PCDH9: variants seen among roughly 807,000 people sequenced by gnomAD.
PCDH9 encodes the protein protocadherin 9.
A neutral mutation model predicts 70.6 loss-of-function variants in PCDH9; 24 were observed. The ratio of observed to expected loss-of-function variants is 0.34; its 90% CI spans 0.25 to 0.48. The LOEUF (loss-of-function observed/expected upper bound fraction) is 0.48, where lower values mean the gene tolerates loss of function less well. Ranked by LOEUF, PCDH9 falls within the 20% of genes least tolerant of loss-of-function variation. The pLI is 0.99. For synonymous variants in PCDH9, 562 were observed against 558.5 expected, an observed-to-expected ratio of 1.01 and a Z score of -0.09; for missense variants, 1,281 against 1,503.6, an observed-to-expected ratio of 0.85 and a Z score of 2.45.
intron 4 of PCDH9, among the ~76,000 whole-genome samples, chr13:66,510,715 T>C (rs1482747683): frequency 6.6e-6 from 1 of 152,224 alleles, no homozygotes; most frequent in East Asian, 1.9e-4. Context: ...CTGCATAGTA[T>C]TCCATGGTGT....
chr13:67,091,030 T>C (rs1425046891), intron 2 of PCDH9, among the ~76,000 whole-genome samples: 1 of 152,126 alleles, frequency 6.6e-6, no homozygotes, highest in African/African-American at 2.4e-5. Flanking sequence ...ACTGTACTTT[T>C]CTTCCAAACT....
intron 3 of PCDH9, among the ~76,000 whole-genome samples, chr13:66,897,773 A>G (rs1297933089): frequency 2.6e-5 from 4 of 152,106 alleles, no homozygotes; most frequent in Non-Finnish European, 5.9e-5. Context: ...AAATATTTTA[A>G]TGATTTTTTT....
intron 2 of PCDH9, among the ~76,000 whole-genome samples, chr13:67,102,366 T>G (rs1464933293): frequency 6.6e-6 from 1 of 152,128 alleles, no homozygotes; most frequent in Non-Finnish European, 1.5e-5. Context: ...ACAGGCAAAC[T>G]ACACCTACAA....
chr13:66,677,837 T>C (rs541101200), intron 3 of PCDH9, among the ~76,000 whole-genome samples: 1 of 152,252 alleles, frequency 6.6e-6, no homozygotes, highest in South Asian at 2.1e-4. Context: ...TATTTCTTTA[T>C]AGCAATACAA....
chr13:67,224,895 A>T, intron 2 of PCDH9: 4 of 986,514 alleles, frequency 4.1e-6, no homozygotes, highest in Non-Finnish European at 4.8e-6. Context: ...TTCACAGCTG[A>T]TGTACATTTA....
intron 2 of PCDH9, among the ~76,000 whole-genome samples, chr13:67,089,563 TAG>T (rs1326433718): frequency 1.3e-5 from 2 of 152,016 alleles, no homozygotes; most frequent in East Asian, 3.9e-4. Context: ...TCAAGCAACA[TAG>T]AGTTTTGTGA....
chr13:66,658,294 T>G (rs2077959997), intron 3 of PCDH9, among the ~76,000 whole-genome samples: 1 of 152,212 alleles, frequency 6.6e-6, no homozygotes, highest in Non-Finnish European at 1.5e-5. Context: ...TTATATCTCT[T>G]TGAATTTCCC....
rs534223367 is a variant in PCDH9, at chr13:67,086,624, G to A, written c.3036+138781C>T. ...TAACAGAGTTAAGAAAGAAATAGCT[G>A]AGCTGATGCTACTGTTGTTCAAGAG... On this transcript the variant is annotated intron_variant, in intron 2 of 4. Transcript: ENST00000377865. 3.3e-5 allele frequency among the ~76,000 whole-genome samples: 5 copies of A among 152,282 alleles called. No individual in the cohort carries two copies. In the East Asian group the frequency reaches 5.8e-4, roughly 18 times the overall value.
intron 4 of PCDH9, among the ~76,000 whole-genome samples, chr13:66,348,004 C>T (rs946715670): frequency 1.4e-4 from 22 of 152,214 alleles, no homozygotes; most frequent in African/African-American, 4.6e-4. Context: ...GTCCTAATCA[C>T]CTCATTCTTG....
chr13:66,652,924 T>G (rs74845679), intron 3 of PCDH9, among the ~76,000 whole-genome samples: 4,733 of 152,176 alleles, frequency 0.031, 254 homozygotes, highest in African/African-American at 0.11. Flanking sequence ...AAAGATGCCA[T>G]GAAAACTGCA....
intron 3 of PCDH9, among the ~76,000 whole-genome samples, chr13:66,901,968 A>G (rs2082282911): frequency 6.6e-6 from 1 of 151,688 alleles, no homozygotes; most frequent in Non-Finnish European, 1.5e-5. Flanking sequence ...TGACTTGCAC[A>G]ACATCCTGGG....
chr13:66,962,829 G>C (rs1422837577), intron 2 of PCDH9, among the ~76,000 whole-genome samples: 1 of 152,030 alleles, frequency 6.6e-6, no homozygotes, highest in African/African-American at 2.4e-5. Flanking sequence ...ATTGGGGTTG[G>C]GGGCCAGGGG....
At chr13:66,768,215 T>C (rs1025380429) in intron 3 of PCDH9, among the ~76,000 whole-genome samples, 2 of 151,640 alleles carry the variant, frequency 1.3e-5, no homozygotes, top group African/African-American at 4.8e-5. Context: ...GTGTAGATGT[T>C]CCCCCTATGG....
intron 2 of PCDH9, among the ~76,000 whole-genome samples, chr13:67,118,810 T>A (rs2086825852): frequency 6.6e-6 from 1 of 152,154 alleles, no homozygotes; most frequent in East Asian, 1.9e-4. Flanking sequence ...AACCTATTTA[T>A]CCTAAATACC....
intron 2 of PCDH9, among the ~76,000 whole-genome samples, chr13:67,093,110 G>A (rs1459383705): frequency 6.6e-6 from 1 of 152,114 alleles, no homozygotes; most frequent in Non-Finnish European, 1.5e-5. Context: ...TATAAAGGAA[G>A]TTTAATTATA....
chr13:66,573,615 C>T (rs182702579), intron 4 of PCDH9, among the ~76,000 whole-genome samples: 74 of 152,236 alleles, frequency 4.9e-4, no homozygotes, highest in Middle Eastern at 3.4e-3. Flanking sequence ...GGTTGAGATG[C>T]TACGTTAAGA....
rs1335429072 is a variant in PCDH9, at chr13:66,876,877, C to T, written c.3138+26627G>A. The T allele has an allele frequency of 3.3e-5, 5 of 152,088 alleles. No individual in the cohort carries two copies. The East Asian group carries it at 9.7e-4, about 29-fold the overall frequency. The allele number at this position is 152,088 out of a possible 1,614,324, so 9.4% of individuals were successfully genotyped here. The stretch of plus-strand genomic sequence containing the variant: ...ATCTTTGGAATATTGTCCAGGAAAT[C>T]AGACAGCTCTCACCACTTGATATTG... On this transcript the variant is annotated intron_variant, in intron 3 of 4. Coordinates refer to ENST00000377865, the MANE Select transcript of PCDH9 (RefSeq NM_203487.3).
intron 2 of PCDH9, among the ~76,000 whole-genome samples, chr13:67,038,885 C>T (rs760935628): frequency 2.6e-5 from 4 of 152,066 alleles, no homozygotes; most frequent in East Asian, 3.9e-4. Context: ...TGTTCTGAGG[C>T]AAGTCTTAGC....
At chr13:67,190,215 A>G (rs1035094103) in intron 2 of PCDH9, among the ~76,000 whole-genome samples, 1 of 152,018 alleles carries the variant, frequency 6.6e-6, no homozygotes, top group Non-Finnish European at 1.5e-5. Context: ...TAGCCCTTTG[A>G]TACCCAGTTC....
Sources: allele counts gnomAD v4.1 joint callset (sites outside exome capture counted in the v4.1 genomes callset), GRCh38; gene constraint gnomAD v4.1.1; transcripts MANE v1.5; gene names NCBI Gene and HGNC (gene_info 2026-07-23, HGNC 2026-07-21).